FOXN4: variants seen among roughly 807,000 people sequenced by gnomAD.
FOXN4 encodes the protein forkhead box N4.
FOXN4 carries 12 observed loss-of-function variants against 45.0 expected under a neutral mutation model. That is an observed-to-expected ratio of 0.27 (90% CI 0.17 to 0.43). FOXN4 has a LOEUF of 0.43. Among genes scored for constraint, FOXN4 ranks in the 20% least tolerant of loss-of-function variants. The pLI is 1.00. For synonymous variants in FOXN4, 297 were observed against 295.0 expected (o/e 1.01, Z -0.07); for missense variants, 560 against 694.9 (o/e 0.81, Z 2.18).
Position 109,278,975 on chromosome 12 carries a change from A to G in FOXN4, c.*696T>C, listed in dbSNP as rs1029321493. On this transcript the variant is annotated 3_prime_UTR_variant, in exon 10 of 10. Transcript: ENST00000299162. ...CAGAGGCCTCGGGATGGGTTTGCAG[A>G]AGTGGGGTGGATGGGCCACAATAAA... 7 of 152,310 alleles carry G rather than the reference A, an allele frequency of 4.6e-5. No individual in the cohort carries two copies. Among genetic ancestry groups the G allele is most frequent in the African/African-American group, 1.7e-4 (7 of 41,400 alleles). The allele number at this position is 152,310 out of a possible 1,614,324, so 9.4% of individuals were successfully genotyped here.
At chr12:109,303,966 G>A (rs561471488) in intron 2 of FOXN4, among the ~76,000 whole-genome samples, 11 of 152,006 alleles carry the variant, frequency 7.2e-5, no homozygotes, top group Non-Finnish European at 1.0e-4. Context: ...TGAGGCAGGC[G>A]GATCACTTAA....
At position 109,299,925 on chromosome 12, in the gene FOXN4, T is replaced by C. The variant is rs1418861643; in HGVS notation, c.86+8311A>G. 5.9e-5 allele frequency among the ~76,000 whole-genome samples: 9 copies of C among 152,230 alleles called. No homozygotes were observed. The East Asian group carries it at 1.7e-3, about 29-fold the overall frequency. The stretch of plus-strand genomic sequence containing the variant: ...TCTCTGTGGCACTGCAGTGGAGTGG[T>C]CACCCAGGTAGGCTTTGGGGTCAGC... On this transcript the variant is annotated intron_variant, in intron 2 of 9. Transcript: ENST00000299162.
intron 2 of FOXN4, among the ~76,000 whole-genome samples, chr12:109,299,354 A>G (rs912187934): frequency 2.7e-5 from 4 of 147,708 alleles, no homozygotes; most frequent in Non-Finnish European, 5.9e-5. Context: ...GGATGCACAC[A>G]TGTGTGCACA....
At position 109,279,611 on chromosome 12, in the gene FOXN4, T is replaced by C; in HGVS notation, c.*60A>G. On this transcript the variant is annotated 3_prime_UTR_variant, in exon 10 of 10. Transcript: ENST00000299162. ...GACCTGCCTTCTGGGAACACCCTGT[T>C]CTAGTCAGTTCTCTGCCCAAGCCGG... 6.5e-7 allele frequency: 1 copy of C among 1,549,652 alleles called. No homozygotes were observed. The highest frequency in any genetic ancestry group is 1.4e-5 in the African/African-American group (1 of 73,220).
In FOXN4 at chr12:109,281,814, G is replaced by T. The variant is rs1253576412; in HGVS notation, c.902-15C>A. ...GTCCAACTCCTCTGCAGGCAAGTGG[G>T]AGAGGTCACTCAGAACCCACCCAGC... is the stretch of plus-strand genomic sequence containing the variant. On this transcript the variant is annotated splice_polypyrimidine_tract_variant and intron_variant, in intron 8 of 9. Transcript: ENST00000299162. 1.3e-6 allele frequency: 2 copies of T among 1,551,044 alleles called. No individual in the cohort carries two copies. The highest frequency in any genetic ancestry group is 1.7e-6 in the Non-Finnish European group (2 of 1,153,042).
intron 9 of FOXN4, among the ~76,000 whole-genome samples, chr12:109,281,131 A>G (rs1472836963): frequency 6.6e-6 from 1 of 152,226 alleles, no homozygotes; most frequent in African/African-American, 2.4e-5. Flanking sequence ...GCCATTGGCT[A>G]TAACAGGTTG....
intron 9 of FOXN4, 57 bp from the exon 10 acceptor site, chr12:109,279,987 G>A (rs943589370): frequency 4.1e-5 from 65 of 1,602,356 alleles, no homozygotes; most frequent in Non-Finnish European, 5.2e-5. Context: ...ACCTGAGTTC[G>A]AATCCCCCAT....
chr12:109,306,483 G>A (rs1237870537), intron 2 of FOXN4, among the ~76,000 whole-genome samples: 14 of 152,336 alleles, frequency 9.2e-5, no homozygotes, highest in Middle Eastern at 6.8e-3. Flanking sequence ...AGCCAACCTG[G>A]AGGAAGGATG....
rs374757575 is a variant in FOXN4 at position 109,281,512 on chromosome 12, G to C, written c.1189C>G (p.His397Asp). 1.5e-4 allele frequency: 250 copies of C among 1,613,916 alleles called. No individual in the cohort carries two copies. The highest frequency in any genetic ancestry group is 4.8e-4 in the Admixed American group (29 of 60,012). ...LPDLSPSPLP[H>D]PAMGRAPVDF... The stretch of plus-strand genomic sequence containing the variant: ...ACAGGAGCCCTTCCCATGGCGGGGT[G>C]GGGGAGCGGGCTGGGGCTGAGGTCC... Residue 397 changes from histidine to aspartate, a missense_variant, in exon 9 of 10, where the codon CAC becomes GAC. Physicochemically the swap from His to Asp is moderately conservative, Grantham distance 81 (BLOSUM62 -1). This residue lies in a region of FOXN4 where 315 missense variants were observed against 350.5 expected (regional missense o/e 0.90). Coordinates refer to ENST00000299162, the MANE Select transcript of FOXN4 (RefSeq NM_213596.3).
chr12:109,282,353 T>TG (rs1030917992), intron 8 of FOXN4, among the ~76,000 whole-genome samples: 1 of 151,864 alleles, frequency 6.6e-6, no homozygotes, highest in African/African-American at 2.4e-5. Context: ...GAGGCTGAGG[T>TG]GGGGGGATCA....
In FOXN4 at chr12:109,287,719, C is replaced by T; in HGVS notation, c.468+125G>A. On this transcript the variant is annotated intron_variant, in intron 5 of 9. Coordinates refer to ENST00000299162, the MANE Select transcript of FOXN4 (RefSeq NM_213596.3). This position sits in a 1 kb window ranked among gnomAD's most constrained non-coding sequence, Gnocchi z 4.1. ...GGGAACGGAATGAATGACCCCATGA[C>T]ATGAGCATGGAGGGAATGTTATCCC... 8.9e-7 allele frequency: 1 copy of T among 1,123,286 alleles called. No homozygotes were observed. The highest frequency in any genetic ancestry group is 1.2e-6 in the Non-Finnish European group (1 of 809,236). The allele number at this position is 1,123,286 out of a possible 1,614,324, so 69.6% of individuals were successfully genotyped here. A position where few individuals can be genotyped will look rare whatever the true frequency, so the allele number is the denominator to read the frequency against.
At chr12:109,296,014 C>A (rs551051559) in intron 2 of FOXN4, among the ~76,000 whole-genome samples, 1 of 152,292 alleles carries the variant, frequency 6.6e-6, no homozygotes, top group South Asian at 2.1e-4. Flanking sequence ...GCAGAGCACC[C>A]ACAAGAGCTC....
At position 109,279,283 on chromosome 12, in the gene FOXN4, C is replaced by T. The variant is rs1283262691; in HGVS notation, c.*388G>A. On this transcript the variant is annotated 3_prime_UTR_variant, in exon 10 of 10. Coordinates refer to ENST00000299162, the MANE Select transcript of FOXN4 (RefSeq NM_213596.3). Reference sequence around the variant, plus strand: ...CACCCCAGGGTGTTTCCTTAATGCACCAAGGTGTCCCAAAATGGGGTGCAG... The same window carrying T: ...CACCCCAGGGTGTTTCCTTAATGCATCAAGGTGTCCCAAAATGGGGTGCAG... 1.8e-5 allele frequency: 5 copies of T among 280,462 alleles called. No individual in the cohort carries two copies. Among genetic ancestry groups the T allele is most frequent in the South Asian group, 1.5e-4 (3 of 20,622 alleles). The allele number at this position is 280,462 out of a possible 1,614,324, so 17.4% of individuals were successfully genotyped here.
intron 2 of FOXN4, among the ~76,000 whole-genome samples, chr12:109,304,241 AAG>A (rs1335251299): frequency 1.3e-5 from 1 of 79,364 alleles, no homozygotes; most frequent in African/African-American, 5.5e-5. Context: ...GAAAGAAAGA[AAG>A]AAAGAAAGAA....
At chr12:109,293,866 T>A (rs186807964) in intron 2 of FOXN4, among the ~76,000 whole-genome samples, 358 of 152,276 alleles carry the variant, frequency 2.4e-3, no homozygotes, top group Non-Finnish European at 3.9e-3. Flanking sequence ...TCTTTTGAAC[T>A]GACAGAGCGG....
chr12:109,287,580 TA>T lies in FOXN4; in HGVS notation c.469-57del. On this transcript the variant is annotated intron_variant, in intron 5 of 9. Transcript: ENST00000299162. The surrounding 1 kb of genome is among the most constrained non-coding windows in gnomAD (Gnocchi z 4.1). ...GCAGAGAAAGAGAGAAGGTGAGAAA[TA>T]ACATACGTCACTCACAGTAACACTG... The T allele has an allele frequency of 6.8e-7, 1 of 1,478,106 alleles. No homozygotes were observed. The highest frequency in any genetic ancestry group is 1.4e-5 in the South Asian group (1 of 70,584). 91.6% of individuals were successfully genotyped at this position (1,478,106 alleles called of 1,614,324 possible).
rs142578341 is a variant in FOXN4 at position 109,293,914 on chromosome 12, C to T, written c.87-3628G>A. Among the ~76,000 whole-genome samples, 551 of 152,304 alleles carry T rather than the reference C, an allele frequency of 3.6e-3. 6 individuals are homozygous for T. Among genetic ancestry groups the T allele is most frequent in the African/African-American group, 0.012 (512 of 41,558 alleles). On this transcript the variant is annotated intron_variant, in intron 2 of 9. Coordinates refer to ENST00000299162, the MANE Select transcript of FOXN4 (RefSeq NM_213596.3). Reference sequence around the variant, plus strand: ...TCAGGTCCTTGCCACAGTCCCAGGACAGGGACAGAGAGTAGGCAGCCCCAC... The same window carrying T: ...TCAGGTCCTTGCCACAGTCCCAGGATAGGGACAGAGAGTAGGCAGCCCCAC...
At chr12:109,303,354 T>C (rs1467009541) in intron 2 of FOXN4, among the ~76,000 whole-genome samples, 1 of 152,276 alleles carries the variant, frequency 6.6e-6, no homozygotes, top group Non-Finnish European at 1.5e-5. Flanking sequence ...TGGGTTAAAC[T>C]ATCCCCACAC....
intron 9 of FOXN4, among the ~76,000 whole-genome samples, chr12:109,280,415 T>TGGAAGGAAAGTCACTG (rs2047642081): frequency 1.3e-5 from 2 of 149,782 alleles, no homozygotes; most frequent in South Asian, 4.2e-4. Flanking sequence ...ACCTTCCCAC[T>TGGAAGGAAAGTCACTG]GAATGTCCTT....
Sources: gnomAD v4.1 joint callset for allele counts (sites outside exome capture counted in the v4.1 genomes callset) on GRCh38, gnomAD v4.1.1 for gene constraint, gnomAD v4.1.1 regional missense constraint, Gnocchi (gnomAD v3.1) non-coding constraint, MANE v1.5 for transcripts, NCBI Gene and HGNC (gene_info 2026-07-23, HGNC 2026-07-21) for gene names.